Variants in EIF2AK1 observed in about 807,000 individuals in gnomAD.
EIF2AK1 encodes eukaryotic translation initiation factor 2-alpha kinase 1.
Under a neutral mutation model 77.9 loss-of-function variants are expected in EIF2AK1, and 54 were observed. The ratio of observed to expected loss-of-function variants is 0.69; its 90% CI spans 0.56 to 0.87. The LOEUF (loss-of-function observed/expected upper bound fraction) is 0.87, where lower values mean the gene tolerates loss of function less well. EIF2AK1 is among the 40% of genes least tolerant of loss of function. The pLI, the probability that EIF2AK1 is intolerant of heterozygous loss-of-function variation, is 0.00. For synonymous variants in EIF2AK1, 314 were observed against 290.5 expected (o/e 1.08, Z -0.82); for missense variants, 810 against 768.6 (o/e 1.05, Z -0.64).
Position 6,024,400 on chromosome 7 carries a change from G to A in EIF2AK1, c.*273C>T. Reference sequence around the variant, plus strand: ...GTACCTTCTAGAGGAAGACCAGACAGAGGGTCAACAGAGTTGAAAGGAGAA... The same window carrying A: ...GTACCTTCTAGAGGAAGACCAGACAAAGGGTCAACAGAGTTGAAAGGAGAA... On this transcript the variant is annotated 3_prime_UTR_variant, in exon 15 of 15. Transcript: ENST00000199389. 7.6e-7 allele frequency: 1 copy of A among 1,311,340 alleles called. No individual in the cohort carries two copies. The highest frequency in any genetic ancestry group is 9.8e-7 in the Non-Finnish European group (1 of 1,025,480). The allele number at this position is 1,311,340 out of a possible 1,614,324, so 81.2% of individuals were successfully genotyped here.
chr7:6,059,061 AC>A lies in EIF2AK1; in HGVS notation c.22del (p.Val8SerfsTer43). On this transcript the variant is annotated frameshift_variant, in exon 1 of 15. Transcript: ENST00000199389. LOFTEE classifies it high-confidence loss of function. MQGGNSG[V>X]RKREEEGDGA... is the part of the protein sequence containing the mutation. ...GTCGCCCTCCTCTTCGCGCTTGCGG[AC>A]CCCGGAGTTGCCCCCCTGCATCGCC... 6.8e-7 allele frequency: 1 copy of A among 1,474,336 alleles called. No individual in the cohort carries two copies. The highest frequency in any genetic ancestry group is 8.9e-7 in the Non-Finnish European group (1 of 1,118,706). 91.3% of individuals were successfully genotyped at this position (1,474,336 alleles called of 1,614,324 possible).
Position 6,035,585 on chromosome 7 carries a change from G to T in EIF2AK1, c.1332+1839C>A. On this transcript the variant is annotated intron_variant, in intron 11 of 14. Coordinates refer to ENST00000199389, the MANE Select transcript of EIF2AK1 (RefSeq NM_014413.4). The surrounding 1 kb of genome is among the most constrained non-coding windows in gnomAD (Gnocchi z 5.5). ...GCAGCATCACATGTCTCCGCATCTT[G>T]TGTGCGCACGGAGCTCAAGTGAACA... 1 of 1,551,120 alleles carries T rather than the reference G, an allele frequency of 6.4e-7. No individual in the cohort carries two copies. Among genetic ancestry groups the T allele is most frequent in the Non-Finnish European group, 8.7e-7 (1 of 1,147,116 alleles).
At chr7:6,041,636 T>C (rs1277859468) in intron 8 of EIF2AK1, among the ~76,000 whole-genome samples, 1 of 151,758 alleles carries the variant, frequency 6.6e-6, no homozygotes, top group Non-Finnish European at 1.5e-5. Context: ...GGTCAGAAGT[T>C]CGAGACCAGC....
At chr7:6,029,230 T>C (rs1787831689) in intron 11 of EIF2AK1, among the ~76,000 whole-genome samples, 198 bp from the exon 12 acceptor site, 1 of 152,212 alleles carries the variant, frequency 6.6e-6, no homozygotes, top group Non-Finnish European at 1.5e-5. Flanking sequence ...CCGGGTGCAG[T>C]GGCTCATGCC....
At chr7:6,047,426 G>A (rs1025722373) in intron 4 of EIF2AK1, among the ~76,000 whole-genome samples, 5 of 152,128 alleles carry the variant, frequency 3.3e-5, no homozygotes, top group African/African-American at 7.2e-5. Flanking sequence ...TGTAATCCCA[G>A]CACTTTGGGA....
chr7:6,026,642 G>C lies in EIF2AK1; in HGVS notation c.1764+86C>G, dbSNP rs547137467. ...TCTGGCTCTTCCAGCCCCAGCCTCC[G>C]GGGGCACCACCCAACCGCTTCCTTC... On this transcript the variant is annotated intron_variant, in intron 14 of 14. Transcript: ENST00000199389. The C allele has an allele frequency of 2.6e-4, 276 of 1,075,166 alleles. No individual in the cohort carries two copies. In the East Asian group the frequency reaches 6.7e-3, roughly 26 times the overall value. 66.6% of individuals were successfully genotyped at this position (1,075,166 alleles called of 1,614,324 possible).
chr7:6,026,024 A>G (rs564281246), intron 14 of EIF2AK1, among the ~76,000 whole-genome samples: 4 of 151,436 alleles, frequency 2.6e-5, no homozygotes, highest in Non-Finnish European at 5.9e-5. Context: ...GACCATGTCC[A>G]GGGCAGCAGC....
chr7:6,045,109 ATT>A (rs758550375), intron 6 of EIF2AK1, among the ~76,000 whole-genome samples: 7 of 144,282 alleles, frequency 4.9e-5, no homozygotes, highest in Non-Finnish European at 7.7e-5. Context: ...AATAATAGAA[ATT>A]TTTTTTTTTT....
chr7:6,040,865 T>C (rs1285785594), intron 9 of EIF2AK1, 27 bp downstream of exon 9: 3 of 1,595,148 alleles, frequency 1.9e-6, no homozygotes, highest in Non-Finnish European at 2.6e-6. Flanking sequence ...ACTGGCCAAA[T>C]TAGGAGGGTC....
chr7:6,026,829 C>A lies in EIF2AK1; in HGVS notation c.1663G>T (p.Val555Leu). ...AAGTGCTGGATATACTTGGCTTGCACTGGACACCTTTTACGGAGGGATTCC... is the reference window on the plus strand; with the variant it reads ...AAGTGCTGGATATACTTGGCTTGCAATGGACACCTTTTACGGAGGGATTCC... ...LPESLRKRCPVQAKYIQHLTR... is the reference protein window; with the variant it reads ...LPESLRKRCPLQAKYIQHLTR... Residue 555 changes from valine (V) to leucine (L), a missense_variant, in exon 14 of 15, where the codon GTG (valine) becomes TTG (leucine). By Grantham distance (32) the Val-to-Leu change is conservative (BLOSUM62 1). Transcript: ENST00000199389. 1 of 1,614,220 alleles carries A rather than the reference C, an allele frequency of 6.2e-7. No individual in the cohort carries two copies. The highest frequency in any genetic ancestry group is 1.1e-5 in the South Asian group (1 of 91,092).
intron 1 of EIF2AK1, among the ~76,000 whole-genome samples, chr7:6,055,787 C>T (rs1788737788): frequency 6.6e-6 from 1 of 151,222 alleles, no homozygotes; most frequent in African/African-American, 2.4e-5. Flanking sequence ...TCGAGACCAG[C>T]CTGGCCAACA....
chr7:6,049,931 G>C lies in EIF2AK1; in HGVS notation c.392C>G (p.Ala131Gly), dbSNP rs754740121. 3.1e-6 allele frequency: 5 copies of C among 1,611,460 alleles called. No homozygotes were observed. Among genetic ancestry groups the C allele is most frequent in the Non-Finnish European group, 4.2e-6 (5 of 1,179,420 alleles). ...GCTTACCTGACGAACTCTCTCTTTA[G>C]CAGACCTCATTAAGTGAGTAATAGC... The part of the protein sequence containing the change: ...NRAITHLMRS[A>G]KERVRQDPCE... The change falls in exon 3 of 15, where the codon GCT (alanine) becomes GGT (glycine). Residue 131 changes from alanine to glycine, a missense_variant. Physicochemically the swap from Ala to Gly is moderately conservative, Grantham distance 60 (BLOSUM62 0). Around this residue, in one of 3 missense-constraint regions of EIF2AK1, gnomAD observed 246 missense variants for 199.0 expected, o/e 1.24. Coordinates refer to ENST00000199389, the MANE Select transcript of EIF2AK1 (RefSeq NM_014413.4).
chr7:6,035,335 A>T lies in EIF2AK1; in HGVS notation c.1332+2089T>A. The T allele has an allele frequency of 9.3e-7, 1 of 1,077,420 alleles. No individual in the cohort carries two copies. Among genetic ancestry groups the T allele is most frequent in the East Asian group, 2.6e-5 (1 of 38,268 alleles). 66.7% of individuals were successfully genotyped at this position (1,077,420 alleles called of 1,614,324 possible). A position where few individuals can be genotyped will look rare whatever the true frequency, so the allele number is the denominator to read the frequency against. On this transcript the variant is annotated intron_variant, in intron 11 of 14. Coordinates refer to ENST00000199389, the MANE Select transcript of EIF2AK1 (RefSeq NM_014413.4). The surrounding 1 kb of genome is among the most constrained non-coding windows in gnomAD (Gnocchi z 5.5). ...GATTTTGAAACACGTCCTTAAGGTAATTGAAGGGTCTTACTTTAAATAAAT... is the reference window on the plus strand; with the variant it reads ...GATTTTGAAACACGTCCTTAAGGTATTTGAAGGGTCTTACTTTAAATAAAT...
At chr7:6,040,557 G>T (rs1788266439) in intron 9 of EIF2AK1, among the ~76,000 whole-genome samples, 2 of 152,156 alleles carry the variant, frequency 1.3e-5, no homozygotes, top group Admixed American at 1.3e-4. Context: ...AAGTCATGCT[G>T]CAAAATCGTT....
intron 3 of EIF2AK1, among the ~76,000 whole-genome samples, chr7:6,049,622 CCT>C (rs1788547460): frequency 7.0e-6 from 1 of 143,302 alleles, no homozygotes; most frequent in Non-Finnish European, 1.5e-5. Context: ...CTTTGCCTCT[CCT>C]CTCTTTTTTT....
intron 2 of EIF2AK1, among the ~76,000 whole-genome samples, chr7:6,051,394 C>G (rs927507410): frequency 6.6e-6 from 1 of 151,776 alleles, no homozygotes; most frequent in African/African-American, 2.4e-5. Context: ...GCCTCAGTCG[C>G]CTGAGTAGCT....
intron 10 of EIF2AK1, 149 bp downstream of exon 10, chr7:6,038,411 A>G: frequency 1.8e-6 from 1 of 540,840 alleles, no homozygotes; most frequent in South Asian, 2.9e-5. Flanking sequence ...CTCCTGCCTG[A>G]GCAACAAACA....
intron 1 of EIF2AK1, among the ~76,000 whole-genome samples, chr7:6,056,611 A>ATATATATATATATATAT (rs1360501857): frequency 9.3e-4 from 29 of 31,134 alleles, no homozygotes; most frequent in Non-Finnish European, 1.1e-3. Context: ...AAAAAAAAAA[A>ATATATATATATATATAT]AAATATATAT....
chr7:6,036,483 G>A lies in EIF2AK1; in HGVS notation c.1332+941C>T. 2.7e-6 allele frequency: 2 copies of A among 745,080 alleles called. No individual in the cohort carries two copies. Among genetic ancestry groups the A allele is most frequent in the Non-Finnish European group, 4.0e-6 (2 of 495,016 alleles). 46.2% of individuals were successfully genotyped at this position (745,080 alleles called of 1,614,324 possible). On this transcript the variant is annotated intron_variant, in intron 11 of 14. Coordinates refer to ENST00000199389, the MANE Select transcript of EIF2AK1 (RefSeq NM_014413.4). This position sits in a 1 kb window ranked among gnomAD's most constrained non-coding sequence, Gnocchi z 4.6. Reference sequence around the variant, plus strand: ...CCAGAAAATGCTTCACCTATCACCTGTGACATCCCAAATGTACAAACTACT... The same window carrying A: ...CCAGAAAATGCTTCACCTATCACCTATGACATCCCAAATGTACAAACTACT...
Sources: allele counts gnomAD v4.1 joint callset (sites outside exome capture counted in the v4.1 genomes callset), GRCh38; gene constraint gnomAD v4.1.1; regional missense constraint gnomAD v4.1.1; non-coding constraint Gnocchi (gnomAD v3.1); transcripts MANE v1.5; gene names NCBI Gene and HGNC (gene_info 2026-07-23, HGNC 2026-07-21).